Variants in ADCY1 observed in about 807,000 individuals in gnomAD.
ADCY1 encodes adenylate cyclase 1, also known as adenylate cyclase type 1.
Under a neutral mutation model 105.4 loss-of-function variants are expected in ADCY1, and 28 were observed. The observed-to-expected ratio is 0.27, with a 90% CI of 0.20 to 0.36. ADCY1 has a LOEUF of 0.36. Ranked by LOEUF, ADCY1 falls within the 10% of genes least tolerant of loss-of-function variation. ADCY1 has a pLI of 1.00. For missense variants in ADCY1, 977 were observed against 1,434.2 expected (o/e 0.68, Z 5.15); for synonymous variants, 655 against 623.8 (o/e 1.05, Z -0.75).
chr7:45,705,903 A>G lies in ADCY1; in HGVS notation c.2817+1287A>G, dbSNP rs550385124. On this transcript the variant is annotated intron_variant, in intron 17 of 19. Transcript: ENST00000297323. ...ATATAAAAGCTCATCATTTTTCTGT[A>G]TGCCAGCAATGAACAATTGGAATTT... Among the ~76,000 whole-genome samples, 187 of 152,362 alleles carry G rather than the reference A, an allele frequency of 1.2e-3. 1 individual carries two copies. The highest frequency in any genetic ancestry group is 0.01 in the South Asian group (49 of 4,828).
intron 4 of ADCY1, among the ~76,000 whole-genome samples, chr7:45,632,654 C>T (rs1458291696): frequency 2.6e-5 from 4 of 152,158 alleles, no homozygotes; most frequent in Non-Finnish European, 5.9e-5. Context: ...GCCTCCACCT[C>T]CTGGGCTCAA....
At chr7:45,690,319 A>G (rs981647657) in intron 14 of ADCY1, among the ~76,000 whole-genome samples, 3 of 152,100 alleles carry the variant, frequency 2.0e-5, no homozygotes, top group Non-Finnish European at 4.4e-5. Flanking sequence ...ACTATTTGAA[A>G]GACAGGGGCA....
At chr7:45,650,202 A>C (rs1388002791) in intron 5 of ADCY1, among the ~76,000 whole-genome samples, 3 of 152,188 alleles carry the variant, frequency 2.0e-5, no homozygotes, top group African/African-American at 7.2e-5. Flanking sequence ...GTTTCATGTA[A>C]TATATATCAC....
At chr7:45,693,153 A>G (rs959548517) in intron 14 of ADCY1, among the ~76,000 whole-genome samples, 1 of 152,248 alleles carries the variant, frequency 6.6e-6, no homozygotes, top group Admixed American at 6.5e-5. Flanking sequence ...ACAACACTTA[A>G]GAACCCTGTC....
At chr7:45,669,437 G>A (rs1258142097) in intron 8 of ADCY1, among the ~76,000 whole-genome samples, 2 of 152,160 alleles carry the variant, frequency 1.3e-5, no homozygotes, top group Non-Finnish European at 2.9e-5. Flanking sequence ...TAGTTGAGTG[G>A]TTTTAAGTGA....
chr7:45,650,531 GA>G (rs1344826074), intron 5 of ADCY1, among the ~76,000 whole-genome samples: 8 of 152,150 alleles, frequency 5.3e-5, no homozygotes, highest in Non-Finnish European at 1.0e-4. Flanking sequence ...AAGCAGAGTT[GA>G]ATGATGTGGG....
chr7:45,632,970 T>C (rs1315470425), intron 4 of ADCY1, among the ~76,000 whole-genome samples: 2 of 152,172 alleles, frequency 1.3e-5, no homozygotes, highest in African/African-American at 2.4e-5. Context: ...TAGACTGGAG[T>C]GCAGTGGTGT....
At chr7:45,694,989 T>C (rs921426200) in intron 14 of ADCY1, among the ~76,000 whole-genome samples, 1 of 152,234 alleles carries the variant, frequency 6.6e-6, no homozygotes, top group African/African-American at 2.4e-5. Context: ...CAGAACACTG[T>C]GTCCTCTCTG....
At chr7:45,580,947 ATC>A (rs1792518561) in intron 1 of ADCY1, among the ~76,000 whole-genome samples, 1 of 152,026 alleles carries the variant, frequency 6.6e-6, no homozygotes, top group African/African-American at 2.4e-5. Context: ...CTCCTGTCAC[ATC>A]TCTGAGGTTG....
At chr7:45,601,459 C>T (rs1460071858) in intron 2 of ADCY1, among the ~76,000 whole-genome samples, 1 of 152,186 alleles carries the variant, frequency 6.6e-6, no homozygotes, top group Non-Finnish European at 1.5e-5. Context: ...CTCCTCTGAT[C>T]AGGGCCTGCT....
intron 1 of ADCY1, among the ~76,000 whole-genome samples, chr7:45,578,490 A>C (rs1262743043): frequency 6.6e-6 from 1 of 152,130 alleles, no homozygotes; most frequent in Non-Finnish European, 1.5e-5. Context: ...GTAGGGGGCA[A>C]GGCCTGCCAG....
intron 4 of ADCY1, among the ~76,000 whole-genome samples, chr7:45,644,002 C>G (rs1399595940): frequency 2.0e-5 from 3 of 152,168 alleles, no homozygotes; most frequent in Admixed American, 1.3e-4. Context: ...AGGAAGCTTC[C>G]TCTAGGGTTT....
At chr7:45,632,810 T>TA (rs1794294372) in intron 4 of ADCY1, among the ~76,000 whole-genome samples, 1 of 152,162 alleles carries the variant, frequency 6.6e-6, no homozygotes, top group Non-Finnish European at 1.5e-5. Context: ...GCTCAAGAGA[T>TA]ACTCTCGCCT....
In ADCY1 at chr7:45,574,989, C is replaced by T; in HGVS notation, c.446C>T (p.Ser149Phe). 1 of 1,610,744 alleles carries T rather than the reference C, an allele frequency of 6.2e-7. No individual in the cohort carries two copies. Among genetic ancestry groups the T allele is most frequent in the East Asian group, 2.2e-5 (1 of 44,810 alleles). ...GCGCTGGGCGGCCCCGCCCGGGGTT[C>T]CGCCGGGGCCGCTGGGGGGCCAGCG... Reference protein sequence around the residue: ...PFALGGPARGSAGAAGGPATA... With the variant: ...PFALGGPARGFAGAAGGPATA... The change falls in exon 1 of 20, where the codon TCC becomes TTC. Residue 149 changes from serine (S) to phenylalanine (F), a missense_variant. Physicochemically the swap from Ser to Phe is radical, Grantham distance 155. This residue lies in a region of ADCY1 where 209 missense variants were observed against 222.5 expected (regional missense o/e 0.94). Coordinates refer to ENST00000297323, the MANE Select transcript of ADCY1 (RefSeq NM_021116.4). The surrounding 1 kb of genome is among the most constrained non-coding windows in gnomAD (Gnocchi z 7.0).
chr7:45,704,270 C>T (rs549200897), intron 16 of ADCY1, among the ~76,000 whole-genome samples: 1 of 152,344 alleles, frequency 6.6e-6, no homozygotes, highest in South Asian at 2.1e-4. Flanking sequence ...CCCACCACGC[C>T]TTGTCATTGG....
intron 1 of ADCY1, among the ~76,000 whole-genome samples, chr7:45,588,783 G>A (rs1447119622): frequency 6.6e-6 from 1 of 151,954 alleles, no homozygotes; most frequent in Non-Finnish European, 1.5e-5. Flanking sequence ...ATTTCTTCAG[G>A]GTGTTTCCAG....
intron 2 of ADCY1, among the ~76,000 whole-genome samples, chr7:45,601,853 G>T (rs954044102): frequency 2.0e-5 from 3 of 152,078 alleles, no homozygotes; most frequent in Admixed American, 2.0e-4. Flanking sequence ...AGAAGGGAAG[G>T]GGCCTGAAAC....
At position 45,710,745 on chromosome 7, in the gene ADCY1, C is replaced by CAGCCCGTAAGTGGCAGGGCAGAAAG; in HGVS notation, c.3057+97_3057+121dup. 6.8e-7 allele frequency: 1 copy of CAGCCCGTAAGTGGCAGGGCAGAAAG among 1,475,024 alleles called. No individual in the cohort carries two copies. The highest frequency in any genetic ancestry group is 9.1e-7 in the Non-Finnish European group (1 of 1,102,658). The allele number at this position is 1,475,024 out of a possible 1,614,324, so 91.4% of individuals were successfully genotyped here. ...GGGCCAGAATTGAATCCCCAGTCTA[C>CAGCCCGTAAGTGGCAGGGCAGAAAG]AGCCCGTAAGTGGCAGGGCAGAAAG... On this transcript the variant is annotated intron_variant, in intron 19 of 19. Transcript: ENST00000297323. The surrounding 1 kb of genome is among the most constrained non-coding windows in gnomAD (Gnocchi z 4.7).
rs148862065 is a variant in ADCY1, at chr7:45,622,707, C to T, written c.984C>T (p.Leu328=). The T allele has an allele frequency of 2.5e-4, 396 of 1,613,958 alleles. 1 individual carries two copies. The highest frequency in any genetic ancestry group is 3.2e-4 in the Non-Finnish European group (379 of 1,180,016). The stretch of plus-strand genomic sequence containing the variant: ...CAGCCCAGGAGCTGGTGAAACTCCT[C>T]AATGAGCTCTTCGGCAAGTTCGATG... ...QCTAQELVKL[L]NELFGKFDEL... is the part of the protein sequence containing the mutation. Residue 328 remains leucine (L), a synonymous_variant, in exon 4 of 20, where the codon CTC becomes CTT. Coordinates refer to ENST00000297323, the MANE Select transcript of ADCY1 (RefSeq NM_021116.4).
Sources: allele counts gnomAD v4.1 joint callset (sites outside exome capture counted in the v4.1 genomes callset), GRCh38; gene constraint gnomAD v4.1.1; regional missense constraint gnomAD v4.1.1; non-coding constraint Gnocchi (gnomAD v3.1); transcripts MANE v1.5; gene names NCBI Gene and HGNC (gene_info 2026-07-23, HGNC 2026-07-21).